The following NDUFAF7 variants were observed in gnomAD, a reference collection of about 807,000 sequenced individuals.
NDUFAF7 encodes the protein protein arginine methyltransferase NDUFAF7, mitochondrial.
Under a neutral mutation model 47.2 loss-of-function variants are expected in NDUFAF7, and 48 were observed. That is an observed-to-expected ratio of 1.02 (90% CI 0.81 to 1.29). The LOEUF (loss-of-function observed/expected upper bound fraction) is 1.29, where lower values mean the gene tolerates loss of function less well. NDUFAF7 is among the 50% of genes most tolerant of loss of function. NDUFAF7 has a pLI of 0.00. For synonymous variants in NDUFAF7, 217 were observed against 190.0 expected, an observed-to-expected ratio of 1.14 and a Z score of -1.17; for missense variants, 635 against 537.6, an observed-to-expected ratio of 1.18 and a Z score of -1.79.
At chr2:37,260,830 C>A in the NDUFAF7 span, among the ~76,000 whole-genome samples, 1 of 152,088 alleles carries the variant, frequency 6.6e-6, no homozygotes, top group African/African-American at 2.4e-5. Context: ...AGTCTTGATT[C>A]TTATAATATT....
At chr2:37,257,671 G>GAA (rs1164110574), downstream of NDUFAF7, among the ~76,000 whole-genome samples, 5 of 28,548 alleles carry the variant, frequency 1.8e-4, no homozygotes, top group Non-Finnish European at 2.9e-4. Flanking sequence ...TGTCTCAAAA[G>GAA]AAAAAAAAAA....
At chr2:37,264,274 A>G in the NDUFAF7 span, among the ~76,000 whole-genome samples, 1 of 152,350 alleles carries the variant, frequency 6.6e-6, no homozygotes, top group Non-Finnish European at 1.5e-5. Context: ...CAATCTAACA[A>G]TGTATTGTAA....
chr2:37,240,133 T>C (rs530908220), intron 4 of NDUFAF7, among the ~76,000 whole-genome samples: 15 of 152,332 alleles, frequency 9.8e-5, no homozygotes, highest in African/African-American at 3.4e-4. Context: ...GACAATTCAA[T>C]GTAAAAAACA....
chr2:37,262,400 T>C, the NDUFAF7 span, among the ~76,000 whole-genome samples: 3,584 of 152,318 alleles, frequency 0.024, 61 homozygotes, highest in South Asian at 0.051. Flanking sequence ...ATCTGCATCA[T>C]AGTAGGTGTT....
rs142499241 is a variant in NDUFAF7 at position 37,242,707 on chromosome 2, A to C, written c.681+14A>C. 1.3e-6 allele frequency: 2 copies of C among 1,564,702 alleles called. No homozygotes were observed. Among genetic ancestry groups the C allele is most frequent in the Middle Eastern group, 1.7e-4 (1 of 5,964 alleles). On this transcript the variant is annotated intron_variant, in intron 6 of 9. Transcript: ENST00000002125. ...CATAAATTTCAGGTATTGAGGGGGGAAAAAAGTCATGTCTATAATTGAATA... is the reference window on the plus strand; with the variant it reads ...CATAAATTTCAGGTATTGAGGGGGGCAAAAAGTCATGTCTATAATTGAATA...
chr2:37,256,638 T>A (rs751845865), downstream of NDUFAF7: 7,241 of 1,196,244 alleles, frequency 6.1e-3, 27 homozygotes, highest in South Asian at 0.022. Context: ...ATTTTTTTTT[T>A]TTTTTTTTTT....
chr2:37,260,426 A>T, the NDUFAF7 span: 1 of 1,541,846 alleles, frequency 6.5e-7, no homozygotes, highest in Non-Finnish European at 9.0e-7. Flanking sequence ...TTAAGCAGAG[A>T]AACAGTTTTA....
At chr2:37,247,804 A>T (rs1667089747) in intron 9 of NDUFAF7, among the ~76,000 whole-genome samples, 175 bp downstream of exon 9, 2 of 152,158 alleles carry the variant, frequency 1.3e-5, no homozygotes, top group Admixed American at 1.3e-4. Context: ...ATGCATCTCC[A>T]TGGGAGGTAG....
intron 2 of NDUFAF7, among the ~76,000 whole-genome samples, chr2:37,233,190 G>A (rs1462738255): frequency 1.3e-5 from 2 of 152,186 alleles, no homozygotes; most frequent in African/African-American, 4.8e-5. Context: ...GGGTGATGAT[G>A]GTACCTTTTA....
intron 1 of NDUFAF7, 166 bp downstream of exon 1, chr2:37,231,926 G>A (rs1665182421): frequency 5.6e-6 from 9 of 1,594,426 alleles, no homozygotes; most frequent in Non-Finnish European, 7.7e-6. Context: ...ATAGGGCTGC[G>A]TAGTCGTGGG....
the NDUFAF7 span, among the ~76,000 whole-genome samples, chr2:37,267,151 G>A: frequency 6.6e-6 from 1 of 152,138 alleles, no homozygotes; most frequent in Non-Finnish European, 1.5e-5. Context: ...AACTGGATGG[G>A]TAAAACAGCA....
downstream of NDUFAF7, chr2:37,257,010 T>G: frequency 7.0e-7 from 1 of 1,434,120 alleles, no homozygotes; most frequent in South Asian, 1.2e-5. Flanking sequence ...ACACTGTATG[T>G]ATCATTTCAA....
chr2:37,235,534 T>C (rs1665662436), intron 2 of NDUFAF7, among the ~76,000 whole-genome samples: 1 of 152,166 alleles, frequency 6.6e-6, no homozygotes, highest in Non-Finnish European at 1.5e-5. Flanking sequence ...AGATGGACGT[T>C]ACATGACTTC....
At chr2:37,265,534 A>G in the NDUFAF7 span, among the ~76,000 whole-genome samples, 31 of 152,230 alleles carry the variant, frequency 2.0e-4, no homozygotes, top group African/African-American at 7.2e-4. Context: ...GGGTCAGTCC[A>G]ATGATGTAAA....
In NDUFAF7 at chr2:37,246,174, A is replaced by G; in HGVS notation, c.915A>G (p.Gly305=). 6.2e-7 allele frequency: 1 copy of G among 1,613,894 alleles called. No homozygotes were observed. Among genetic ancestry groups the G allele is most frequent in the South Asian group, 1.1e-5 (1 of 91,076 alleles). Residue 305 remains glycine (G), a synonymous_variant, in exon 8 of 10, where the codon GGA becomes GGG. Coordinates refer to ENST00000002125, the MANE Select transcript of NDUFAF7 (RefSeq NM_144736.5). ...AALVADYGHD[G]TKTDTFRGFC... is the part of the protein sequence containing the mutation. The stretch of plus-strand genomic sequence containing the variant: ...TGGTTGCTGATTATGGTCATGATGG[A>G]ACAAAGACAGATACCTTCAGAGTAT...
At chr2:37,262,928 A>C in the NDUFAF7 span, among the ~76,000 whole-genome samples, 2 of 146,108 alleles carry the variant, frequency 1.4e-5, no homozygotes, top group Non-Finnish European at 3.0e-5. Context: ...TCTCCCTAAG[A>C]TCATTTTGTA....
chr2:37,249,139 C>A lies in NDUFAF7; in HGVS notation c.*789C>A, dbSNP rs933110957. 2 of 152,074 alleles carry A rather than the reference C, an allele frequency of 1.3e-5. No homozygotes were observed. The highest frequency in any genetic ancestry group is 2.9e-5 in the Non-Finnish European group (2 of 68,058). The allele number at this position is 152,074 out of a possible 1,614,324, so 9.4% of individuals were successfully genotyped here. A position where few individuals can be genotyped will look rare whatever the true frequency, so the allele number is the denominator to read the frequency against. ...TTGAAGGAGAAAAACTAAATAAATA[C>A]GAGTAATTTCATAGAAACGAATACA... is the stretch of plus-strand genomic sequence containing the variant. On this transcript the variant is annotated 3_prime_UTR_variant, in exon 10 of 10. Transcript: ENST00000002125.
chr2:37,246,011 T>G, intron 7 of NDUFAF7, 41 bp from the exon 8 acceptor site: 5 of 1,606,284 alleles, frequency 3.1e-6, no homozygotes, highest in South Asian at 2.2e-5. Flanking sequence ...GTCATTCTTT[T>G]GAATGATGCA....
At chr2:37,260,195 GT>G in the NDUFAF7 span, 2 of 1,556,574 alleles carry the variant, frequency 1.3e-6, no homozygotes, top group South Asian at 1.2e-5. Context: ...TTAATCGCTA[GT>G]TTAAAAAAAA....
Sources: gnomAD v4.1 joint callset for allele counts (sites outside exome capture counted in the v4.1 genomes callset) on GRCh38, gnomAD v4.1.1 for gene constraint, MANE v1.5 for transcripts, NCBI Gene and HGNC (gene_info 2026-07-23, HGNC 2026-07-21) for gene names.